ROPN1B: variants seen among roughly 807,000 people sequenced by gnomAD.
ROPN1B encodes rhophilin associated tail protein 1B, also known as ropporin-1B.
In ROPN1B, 13 loss-of-function variants were observed where a neutral mutation model predicts 23.7. That is an observed-to-expected ratio of 0.55 (90% CI 0.36 to 0.87). ROPN1B has a LOEUF of 0.87. Among genes scored for constraint, ROPN1B ranks in the 40% least tolerant of loss-of-function variants. ROPN1B has a pLI of 0.01. For missense variants in ROPN1B, 183 were observed against 249.2 expected (o/e 0.73, Z 1.79); for synonymous variants, 67 against 100.4 (o/e 0.67, Z 1.99).
At chr3:125,974,480 A>G (rs951948858) in intron 3 of ROPN1B, among the ~76,000 whole-genome samples, 2 of 152,184 alleles carry the variant, frequency 1.3e-5, no homozygotes, top group African/African-American at 2.4e-5. Flanking sequence ...TTCCCTCTAT[A>G]TTATTTTCAT....
In ROPN1B at chr3:125,982,524, T is replaced by C. The variant is rs116798284; in HGVS notation, c.572+79T>C. On this transcript the variant is annotated intron_variant, in intron 6 of 6. Coordinates refer to ENST00000514116, the MANE Select transcript of ROPN1B (RefSeq NM_001308313.2). The stretch of plus-strand genomic sequence containing the variant: ...TGGGGCCAAGACAGAGTGAGATTAT[T>C]GTATTATACTGCTCTGGGAACAGAA... 516 of 1,191,142 alleles carry C rather than the reference T, an allele frequency of 4.3e-4. 2 individuals are homozygous for C. The African/African-American group carries it at 6.2e-3, about 14-fold the overall frequency. 73.8% of individuals were successfully genotyped at this position (1,191,142 alleles called of 1,614,324 possible). A position where few individuals can be genotyped will look rare whatever the true frequency, so the allele number is the denominator to read the frequency against.
Position 125,983,439 on chromosome 3 carries a change from CAT to C in ROPN1B, c.*120_*121del, listed in dbSNP as rs1187714190. On this transcript the variant is annotated 3_prime_UTR_variant, in exon 7 of 7. Coordinates refer to ENST00000514116, the MANE Select transcript of ROPN1B (RefSeq NM_001308313.2). ...CAACTGGTACACACTAATAAACAAA[CAT>C]GTGAGATCAGAAATGTGCGGAATTA... 1.0e-5 allele frequency: 7 copies of C among 701,908 alleles called. No individual in the cohort carries two copies. The highest frequency in any genetic ancestry group is 2.3e-4 in the Middle Eastern group (1 of 4,270). The allele number at this position is 701,908 out of a possible 1,614,324, so 43.5% of individuals were successfully genotyped here.
Position 125,972,127 on chromosome 3 carries a change from G to T in ROPN1B, c.73G>T (p.Ala25Ser), listed in dbSNP as rs201357418. The T allele has an allele frequency of 4.0e-5, 65 of 1,614,210 alleles. No homozygotes were observed. In the Admixed American group the frequency reaches 1.1e-3, roughly 26 times the overall value. The change falls in exon 3 of 7, where the codon GCC becomes TCC. Residue 25 changes from alanine (A) to serine (S), a missense_variant. Physicochemically the swap from Ala to Ser is moderately conservative, Grantham distance 99 (BLOSUM62 1). Around this residue, in one of 3 missense-constraint regions of ROPN1B, gnomAD observed 97 missense variants for 99.6 expected, o/e 0.97. Transcript: ENST00000514116. ...AATGCTGAAGGAGTTTGCCAAAGCCGCCATTCGGGCGCAGCCGCAGGACCT... is the reference window on the plus strand; with the variant it reads ...AATGCTGAAGGAGTTTGCCAAAGCCTCCATTCGGGCGCAGCCGCAGGACCT... ...PKMLKEFAKA[A>S]IRAQPQDLIQ...
chr3:125,974,037 A>T (rs1228460208), intron 3 of ROPN1B, among the ~76,000 whole-genome samples: 1 of 152,152 alleles, frequency 6.6e-6, no homozygotes, highest in East Asian at 1.9e-4. Flanking sequence ...AAGCTCAATA[A>T]CCCAAAGAAT....
intron 5 of ROPN1B, among the ~76,000 whole-genome samples, chr3:125,981,754 T>C (rs948775984): frequency 7.2e-5 from 11 of 152,184 alleles, no homozygotes; most frequent in African/African-American, 2.7e-4. Context: ...CCCAGATGCT[T>C]TGGAGGAAGG....
At chr3:125,970,699 A>G (rs1225648456) in intron 1 of ROPN1B, among the ~76,000 whole-genome samples, 1 of 152,248 alleles carries the variant, frequency 6.6e-6, no homozygotes, top group Non-Finnish European at 1.5e-5. Context: ...TATTACTGTT[A>G]AAACTTTTCT....
At chr3:125,982,638 T>C (rs1938648190) in intron 6 of ROPN1B, among the ~76,000 whole-genome samples, 193 bp downstream of exon 6, 1 of 152,170 alleles carries the variant, frequency 6.6e-6, no homozygotes, top group Non-Finnish European at 1.5e-5. Context: ...AATAATTCTT[T>C]GAGTGCTACT....
chr3:125,973,409 A>G (rs1260256974), intron 3 of ROPN1B: 1 of 191,752 alleles, frequency 5.2e-6, no homozygotes, highest in Non-Finnish European at 1.1e-5. Context: ...TTTGCCTAGT[A>G]ATAAGCCCTG....
chr3:125,979,378 C>T (rs1398053275), intron 5 of ROPN1B, among the ~76,000 whole-genome samples: 1 of 152,162 alleles, frequency 6.6e-6, no homozygotes, highest in East Asian at 1.9e-4. Flanking sequence ...GAAATCTCAA[C>T]TTCCAAGATG....
At position 125,974,400 on chromosome 3, in the gene ROPN1B, T is replaced by C. The variant is rs369801256; in HGVS notation, c.117-1163T>C. Among the ~76,000 whole-genome samples the C allele has an allele frequency of 9.3e-4, 142 of 152,360 alleles. 1 individual carries two copies. The highest frequency in any genetic ancestry group is 3.4e-3 in the Middle Eastern group (1 of 294). On this transcript the variant is annotated intron_variant, in intron 3 of 6. Coordinates refer to ENST00000514116, the MANE Select transcript of ROPN1B (RefSeq NM_001308313.2). The stretch of plus-strand genomic sequence containing the variant: ...ATGTAGCTTTCACTCTGCCTTGCTA[T>C]GTGGCTTAGAGACAGGCAATCGTTA...
chr3:125,972,589 CG>C, intron 3 of ROPN1B: 2 of 359,184 alleles, frequency 5.6e-6, no homozygotes, highest in Non-Finnish European at 1.0e-5. Flanking sequence ...GCAGTGCAGC[CG>C]GGGGAGGGAA....
chr3:125,975,382 G>A (rs1394254071), intron 3 of ROPN1B, 181 bp from the exon 4 acceptor site: 6 of 486,706 alleles, frequency 1.2e-5, no homozygotes, highest in Admixed American at 6.7e-5. Context: ...CCTAAGTGGA[G>A]AGTAACACAT....
intron 3 of ROPN1B, among the ~76,000 whole-genome samples, chr3:125,974,328 C>G (rs1166586056): frequency 6.6e-6 from 1 of 150,562 alleles, no homozygotes. Context: ...AGGTGCCCTT[C>G]CTGCTGATGA....
chr3:125,970,518 G>A (rs1215910978), intron 1 of ROPN1B, among the ~76,000 whole-genome samples: 2 of 152,046 alleles, frequency 1.3e-5, no homozygotes, highest in Non-Finnish European at 2.9e-5. Context: ...TTCAGCACTT[G>A]GCAGGTATAC....
In ROPN1B at chr3:125,974,354, C is replaced by T. The variant is rs542126007; in HGVS notation, c.117-1209C>T. On this transcript the variant is annotated intron_variant, in intron 3 of 6. Coordinates refer to ENST00000514116, the MANE Select transcript of ROPN1B (RefSeq NM_001308313.2). Reference sequence around the variant, plus strand: ...CTGCTGATGACCTCCAAGTGGTGACCGGCAGTTACTCCTTTAGTCCATGTA... The same window carrying T: ...CTGCTGATGACCTCCAAGTGGTGACTGGCAGTTACTCCTTTAGTCCATGTA... Among the ~76,000 whole-genome samples, 205 of 152,262 alleles carry T rather than the reference C, an allele frequency of 1.3e-3. 3 individuals carry two copies. Among genetic ancestry groups the T allele is most frequent in the African/African-American group, 2.1e-3 (87 of 41,556 alleles).
intron 5 of ROPN1B, among the ~76,000 whole-genome samples, chr3:125,978,693 T>G (rs1359572531): frequency 6.6e-6 from 1 of 152,186 alleles, no homozygotes; most frequent in Non-Finnish European, 1.5e-5. Context: ...GGTGAAAGTC[T>G]GAGGATGCCT....
rs574337764 is a variant in ROPN1B, at chr3:125,971,957, C to T, written c.-12-86C>T. On this transcript the variant is annotated intron_variant, in intron 2 of 6. Transcript: ENST00000514116. ...GGAGTCCCCAAAATTGAGTGTCAAA[C>T]AGAGGCTGGGTGACCTCCTGTCCAG... 7.1e-6 allele frequency: 9 copies of T among 1,275,220 alleles called. No individual in the cohort carries two copies. In the African/African-American group the frequency reaches 1.3e-4, roughly 19 times the overall value. The allele number at this position is 1,275,220 out of a possible 1,614,324, so 79.0% of individuals were successfully genotyped here.
At chr3:125,974,529 C>T (rs1454745564) in intron 3 of ROPN1B, among the ~76,000 whole-genome samples, 2 of 152,174 alleles carry the variant, frequency 1.3e-5, no homozygotes, top group Non-Finnish European at 2.9e-5. Context: ...GGGAAAAAAG[C>T]AGGGCGGAAC....
chr3:125,972,407 C>A, intron 3 of ROPN1B: 2 of 569,332 alleles, frequency 3.5e-6, no homozygotes, highest in South Asian at 2.4e-5. Flanking sequence ...GACGCCAGGT[C>A]AATAGGCCGT....
Sources: allele counts gnomAD v4.1 joint callset (sites outside exome capture counted in the v4.1 genomes callset), GRCh38; gene constraint gnomAD v4.1.1; regional missense constraint gnomAD v4.1.1; transcripts MANE v1.5; gene names NCBI Gene and HGNC (gene_info 2026-07-23, HGNC 2026-07-21).